Variants in RHD observed in about 807,000 individuals in gnomAD.
The protein encoded by RHD is blood group Rh(D) polypeptide.
Under a neutral mutation model 45.5 loss-of-function variants are expected in RHD, and 16 were observed. That is an observed-to-expected ratio of 0.35 (90% CI 0.24 to 0.53). The LOEUF (loss-of-function observed/expected upper bound fraction) is 0.53. RHD is among the 20% of genes least tolerant of loss of function. The pLI, the probability that RHD is intolerant of heterozygous loss-of-function variation, is 0.92. For synonymous variants in RHD, 131 were observed against 217.5 expected, an observed-to-expected ratio of 0.60 and a Z score of 3.50; for missense variants, 306 against 532.0, an observed-to-expected ratio of 0.58 and a Z score of 4.18.
intron 1 of RHD, among the ~76,000 whole-genome samples, chr1:25,278,250 G>C (rs577799521): frequency 7.7e-6 from 1 of 130,424 alleles, no homozygotes; most frequent in African/African-American, 2.6e-5. Flanking sequence ...AGAGGTGCCA[G>C]TTCCTGAGAT....
At chr1:25,298,978 C>T (rs1326526979) in intron 3 of RHD, among the ~76,000 whole-genome samples, 1 of 123,552 alleles carries the variant, frequency 8.1e-6, no homozygotes, top group African/African-American at 2.8e-5. Flanking sequence ...GTGCACAAGC[C>T]ATATGGGTAC....
chr1:25,278,824 ATC>A (rs1557514703), intron 1 of RHD, among the ~76,000 whole-genome samples: 1 of 129,140 alleles, frequency 7.7e-6, no homozygotes, highest in African/African-American at 2.7e-5. Flanking sequence ...CCTTTGGGAA[ATC>A]TCTGTTTTTC....
chr1:25,298,662 T>A (rs558992530), intron 3 of RHD, among the ~76,000 whole-genome samples: 2 of 132,222 alleles, frequency 1.5e-5, no homozygotes, highest in East Asian at 3.9e-4. Context: ...GACTGAGGGC[T>A]TTTTACCATC....
rs193190314 is a variant in RHD at position 25,282,358 on chromosome 1, G to C, written c.149-2215G>C. ...CAAGCGATTCTCCTGCCTGCCTCCC[G>C]AGTAGCTGGGATTACAGGTGCCCAC... On this transcript the variant is annotated intron_variant, in intron 1 of 9. Transcript: ENST00000328664. 2.3e-5 allele frequency among the ~76,000 whole-genome samples: 3 copies of C among 130,908 alleles called. 1 individual carries two copies. Among genetic ancestry groups the C allele is most frequent in the Non-Finnish European group, 5.4e-5 (3 of 55,366 alleles). 85.9% of individuals were successfully genotyped at this position (130,908 alleles called of 152,430 possible).
intron 6 of RHD, among the ~76,000 whole-genome samples, chr1:25,306,206 T>C (rs1643816969): frequency 7.6e-6 from 1 of 131,680 alleles, no homozygotes; most frequent in African/African-American, 2.6e-5. Context: ...TACTGGCAGC[T>C]CGTGGGGAGA....
rs867139151 is a variant in RHD at position 25,322,024 on chromosome 1, A to G, written c.1227+62A>G. 217 of 871,596 alleles carry G rather than the reference A, an allele frequency of 2.5e-4. 32 individuals are homozygous for G. In the Middle Eastern group the frequency reaches 5.2e-3, roughly 21 times the overall value. The allele number at this position is 871,596 out of a possible 1,614,324, so 54.0% of individuals were successfully genotyped here. A position where few individuals can be genotyped will look rare whatever the true frequency, so the allele number is the denominator to read the frequency against. On this transcript the variant is annotated intron_variant, in intron 9 of 9. Coordinates refer to ENST00000328664, the MANE Select transcript of RHD (RefSeq NM_016124.6). ...GTGCATGAACTTAAAAACATACCTG[A>G]GTATATATGTTGACTTGCTGTTTAT...
intron 3 of RHD, among the ~76,000 whole-genome samples, chr1:25,293,907 T>C (rs634219): frequency 0.055 from 7,260 of 131,662 alleles, 1,432 homozygotes; most frequent in African/African-American, 0.18. Flanking sequence ...TTTAGTTATA[T>C]TGTGAGTCTT....
At chr1:25,283,535 TAAA>T (rs143319928) in intron 1 of RHD, among the ~76,000 whole-genome samples, 1 of 109,142 alleles carries the variant, frequency 9.2e-6, no homozygotes, top group Non-Finnish European at 2.3e-5. Flanking sequence ...ATCTCGATAT[TAAA>T]AAAAAAAATC....
chr1:25,319,965 C>G (rs1246022527), intron 8 of RHD, among the ~76,000 whole-genome samples: 2 of 131,126 alleles, frequency 1.5e-5, no homozygotes, highest in African/African-American at 2.6e-5. Flanking sequence ...ATGGCGCTAT[C>G]TCGGCTCACT....
At chr1:25,273,274 C>T (rs1640647408) in intron 1 of RHD, among the ~76,000 whole-genome samples, 1 of 125,490 alleles carries the variant, frequency 8.0e-6, no homozygotes, top group Admixed American at 7.9e-5. Flanking sequence ...AAGCTGGGAC[C>T]ACAGGAGGGC....
intron 3 of RHD, among the ~76,000 whole-genome samples, chr1:25,291,190 T>C (rs28373042): frequency 0.011 from 1,349 of 126,716 alleles, 337 homozygotes; most frequent in Non-Finnish European, 0.018. Flanking sequence ...ACAGACAGGC[T>C]GGGTACAGTG....
At chr1:25,322,919 G>C (rs1319233697) in intron 9 of RHD, among the ~76,000 whole-genome samples, 1 of 116,744 alleles carries the variant, frequency 8.6e-6, no homozygotes, top group East Asian at 2.0e-4. Flanking sequence ...AAGTTAAAAA[G>C]ACAAATGGTT....
Position 25,272,755 on chromosome 1 carries a change from G to A in RHD, c.148+60G>A, listed in dbSNP as rs1183830312. 33 of 1,369,306 alleles carry A rather than the reference G, an allele frequency of 2.4e-5. 9 individuals carry two copies. The highest frequency in any genetic ancestry group is 3.0e-5 in the Non-Finnish European group (29 of 971,758). The allele number at this position is 1,369,306 out of a possible 1,614,324, so 84.8% of individuals were successfully genotyped here. ...AATAGCAGGGGCAGGGGCGGGGGAG[G>A]CCTGTGGTTCTCCAGGGGCACAGAT... On this transcript the variant is annotated intron_variant, in intron 1 of 9. Transcript: ENST00000328664.
intron 9 of RHD, among the ~76,000 whole-genome samples, chr1:25,324,435 T>TAA (rs1390725648): frequency 2.7e-5 from 4 of 150,146 alleles, no homozygotes; most frequent in Admixed American, 2.6e-4. Flanking sequence ...ATGTATTATG[T>TAA]AATGTATTAT....
intron 3 of RHD, among the ~76,000 whole-genome samples, chr1:25,292,107 A>G (rs1487014635): frequency 7.5e-6 from 1 of 132,470 alleles, no homozygotes; most frequent in Non-Finnish European, 1.8e-5. Context: ...ATATGAGGGT[A>G]GCAGTACTAC....
Position 25,273,104 on chromosome 1 carries a change from TG to T in RHD, c.148+411del, listed in dbSNP as rs534952464. Among the ~76,000 whole-genome samples the T allele has an allele frequency of 2.9e-3, 387 of 131,348 alleles. 51 individuals are homozygous for T. The highest frequency in any genetic ancestry group is 8.7e-3 in the African/African-American group (336 of 38,564). 86.2% of individuals were successfully genotyped at this position (131,348 alleles called of 152,430 possible). A position where few individuals can be genotyped will look rare whatever the true frequency, so the allele number is the denominator to read the frequency against. On this transcript the variant is annotated intron_variant, in intron 1 of 9. Transcript: ENST00000328664. ...AAGCAATTTCATGTTGTTGGGTTTT[TG>T]GTTTTTGTTTCCTTTTTGTGGCCTC...
intron 1 of RHD, 78 bp downstream of exon 1, chr1:25,272,773 G>T: frequency 7.5e-7 from 1 of 1,340,434 alleles, no homozygotes; most frequent in Non-Finnish European, 1.1e-6. Flanking sequence ...TTCTCCAGGG[G>T]CACAGATGTT....
Position 25,291,031 on chromosome 1 carries a change from C to G in RHD, c.486+240C>G, listed in dbSNP as rs142100726. 3.4e-4 allele frequency among the ~76,000 whole-genome samples: 44 copies of G among 128,996 alleles called. 5 individuals are homozygous for G. The highest frequency in any genetic ancestry group is 1.6e-3 in the East Asian group (8 of 5,098). 84.6% of individuals were successfully genotyped at this position (128,996 alleles called of 152,430 possible). The stretch of plus-strand genomic sequence containing the variant: ...AGTTGTGGTGGCATGCACCTGTAGT[C>G]TCAGTTACTCAGGAGGCTGAGGTGT... On this transcript the variant is annotated intron_variant, in intron 3 of 9. Transcript: ENST00000328664.
rs564180295 is a variant in RHD at position 25,301,833 on chromosome 1, G to C, written c.801+147G>C. Reference sequence around the variant, plus strand: ...TGCCTGCCTCTACAGTGGAGCTCTAGGTAGAATGCTGGGTGGTCACAGTGG... The same window carrying C: ...TGCCTGCCTCTACAGTGGAGCTCTACGTAGAATGCTGGGTGGTCACAGTGG... On this transcript the variant is annotated intron_variant, in intron 5 of 9. Coordinates refer to ENST00000328664, the MANE Select transcript of RHD (RefSeq NM_016124.6). 2.4e-5 allele frequency: 17 copies of C among 702,282 alleles called. 3 individuals are homozygous for C. The Admixed American group carries it at 3.6e-4, about 15-fold the overall frequency. 43.5% of individuals were successfully genotyped at this position (702,282 alleles called of 1,614,324 possible).
Sources: gnomAD v4.1 joint callset for allele counts (sites outside exome capture counted in the v4.1 genomes callset) on GRCh38, gnomAD v4.1.1 for gene constraint, MANE v1.5 for transcripts, NCBI Gene and HGNC (gene_info 2026-07-23, HGNC 2026-07-21) for gene names.